Variants in WDPCP observed in about 807,000 individuals in gnomAD.
The protein encoded by WDPCP is WD repeat-containing and planar cell polarity effector protein fritz homolog.
A neutral mutation model predicts 93.1 loss-of-function variants in WDPCP; 71 were observed. The ratio of observed to expected loss-of-function variants is 0.76; its 90% CI spans 0.63 to 0.93. WDPCP has a LOEUF of 0.93. Among genes scored for constraint, WDPCP ranks in the 40% least tolerant of loss-of-function variants. The probability of loss-of-function intolerance (pLI) is 0.00; values close to 1 mark genes in which losing one functional copy is unlikely to be tolerated. For missense variants in WDPCP, 844 were observed against 887.4 expected, an observed-to-expected ratio of 0.95 and a Z score of 0.62; for synonymous variants, 315 against 315.0, an observed-to-expected ratio of 1.00 and a Z score of 0.00.
intron 2 of WDPCP, among the ~76,000 whole-genome samples, chr2:63,701,144 A>G (rs1427783249): frequency 6.6e-6 from 1 of 152,260 alleles, no homozygotes; most frequent in Admixed American, 6.5e-5. Context: ...AAGGAGCTCA[A>G]ACAACTCAAT....
At chr2:63,229,119 A>G (rs1206874484) in intron 14 of WDPCP, 3 of 151,920 alleles carry the variant, frequency 2.0e-5, no homozygotes, top group South Asian at 4.2e-4. Context: ...TTTAATGATC[A>G]CCATTCTAAC....
intron 2 of WDPCP, among the ~76,000 whole-genome samples, chr2:63,694,602 A>C (rs1668938333): frequency 6.6e-6 from 1 of 152,150 alleles, no homozygotes. Flanking sequence ...GTATCAAAGC[A>C]CAAAATCTTG....
At chr2:63,421,051 A>G (rs571112162) in intron 9 of WDPCP, among the ~76,000 whole-genome samples, 110 of 152,294 alleles carry the variant, frequency 7.2e-4, no homozygotes, top group Non-Finnish European at 1.2e-3. Flanking sequence ...GATTTACTCT[A>G]CCATAATAGT....
chr2:63,638,887 G>GA (rs1329198200), intron 3 of WDPCP, among the ~76,000 whole-genome samples: 1 of 151,274 alleles, frequency 6.6e-6, no homozygotes, highest in Non-Finnish European at 1.5e-5. Flanking sequence ...TGGCTGAAAA[G>GA]AAAAAACAGA....
chr2:63,717,757 A>T, intron 2 of WDPCP: 1 of 381,436 alleles, frequency 2.6e-6, no homozygotes, highest in East Asian at 7.0e-5. Context: ...GGTATGATGG[A>T]GACGAATTAC....
chr2:63,715,340 A>G (rs769612323), intron 2 of WDPCP, among the ~76,000 whole-genome samples: 2 of 152,230 alleles, frequency 1.3e-5, no homozygotes, highest in Non-Finnish European at 2.9e-5. Flanking sequence ...ACTTTGTTCA[A>G]TTCTCTGCAT....
chr2:63,137,892 C>G (rs1670742162), intron 17 of WDPCP, among the ~76,000 whole-genome samples: 1 of 152,092 alleles, frequency 6.6e-6, no homozygotes, highest in Non-Finnish European at 1.5e-5. Flanking sequence ...TCTGCATTCT[C>G]TATTCTGTTC....
At chr2:63,401,042 C>A (rs1393381364) in intron 10 of WDPCP, among the ~76,000 whole-genome samples, 2 of 152,042 alleles carry the variant, frequency 1.3e-5, no homozygotes, top group East Asian at 1.9e-4. Flanking sequence ...CATAAAAACC[C>A]GAGAAGAAAA....
intron 2 of WDPCP, among the ~76,000 whole-genome samples, chr2:63,720,270 A>C (rs911797633): frequency 9.9e-5 from 15 of 152,054 alleles, no homozygotes; most frequent in Non-Finnish European, 1.6e-4. Flanking sequence ...AAAAAAATTT[A>C]GCCAGGTATG....
chr2:63,143,182 G>T (rs887736745), intron 17 of WDPCP, among the ~76,000 whole-genome samples: 1 of 152,036 alleles, frequency 6.6e-6, no homozygotes, highest in African/African-American at 2.4e-5. Flanking sequence ...GTCCCTCTTG[G>T]TCTCTTTTAA....
At chr2:63,141,046 C>T (rs1201807752) in intron 17 of WDPCP, among the ~76,000 whole-genome samples, 1 of 150,946 alleles carries the variant, frequency 6.6e-6, no homozygotes, top group Non-Finnish European at 1.5e-5. Flanking sequence ...TTGTCGAATG[C>T]TTTTTCTGCA....
At chr2:63,628,727 C>T (rs990528595) in intron 3 of WDPCP, among the ~76,000 whole-genome samples, 2 of 152,214 alleles carry the variant, frequency 1.3e-5, no homozygotes, top group Non-Finnish European at 2.9e-5. Flanking sequence ...ATGTCCTTTA[C>T]AGCAGCTGCT....
chr2:63,655,686 A>G (rs1467874497), intron 2 of WDPCP, among the ~76,000 whole-genome samples: 1 of 152,218 alleles, frequency 6.6e-6, no homozygotes, highest in East Asian at 1.9e-4. Context: ...CTTGATGCAC[A>G]TAGAAGCAAA....
chr2:63,621,023 A>G (rs760860043), intron 3 of WDPCP, among the ~76,000 whole-genome samples: 2 of 152,206 alleles, frequency 1.3e-5, no homozygotes, highest in Non-Finnish European at 2.9e-5. Flanking sequence ...GGTCACCAAC[A>G]TCAAAGACCA....
At chr2:63,478,181 A>T (rs1284408875) in intron 6 of WDPCP, among the ~76,000 whole-genome samples, 1 of 152,150 alleles carries the variant, frequency 6.6e-6, no homozygotes, top group East Asian at 1.9e-4. Flanking sequence ...GAGGCCCCAA[A>T]TTTATAAAAC....
At chr2:63,827,740 T>C (rs959425508) in exon 1 of WDPCP, 12 of 152,182 alleles carry the variant, frequency 7.9e-5, no homozygotes, top group Non-Finnish European at 1.5e-4. Context: ...TCAGGCTTCA[T>C]GGAATTCCTA....
At chr2:63,577,830 T>G (rs1558836805) in intron 1 of WDPCP, among the ~76,000 whole-genome samples, 1 of 152,198 alleles carries the variant, frequency 6.6e-6, no homozygotes, top group Non-Finnish European at 1.5e-5. Flanking sequence ...GTATTTAAAT[T>G]TTTTAATTAT....
At chr2:63,615,822 C>T (rs942781173) in intron 3 of WDPCP, among the ~76,000 whole-genome samples, 1 of 152,186 alleles carries the variant, frequency 6.6e-6, no homozygotes, top group Non-Finnish European at 1.5e-5. Flanking sequence ...TTTATGTGTG[C>T]ATGATTTTCT....
At chr2:63,474,412 G>A (rs1211305916) in intron 6 of WDPCP, among the ~76,000 whole-genome samples, 2 of 152,100 alleles carry the variant, frequency 1.3e-5, no homozygotes, top group African/African-American at 4.8e-5. Context: ...GGACATTTAT[G>A]TGAATGTTTC....
Sources: gnomAD v4.1 joint callset for allele counts (sites outside exome capture counted in the v4.1 genomes callset) on GRCh38, gnomAD v4.1.1 for gene constraint, MANE v1.5 for transcripts, NCBI Gene and HGNC (gene_info 2026-07-23, HGNC 2026-07-21) for gene names.